The following SPOCK1 variants were observed in gnomAD, a reference collection of about 807,000 sequenced individuals.
SPOCK1 encodes the protein testican-1.
In SPOCK1, 23 loss-of-function variants were observed where a neutral mutation model predicts 55.3. The observed-to-expected ratio is 0.42, with a 90% CI of 0.30 to 0.59. The LOEUF is 0.59. Ranked by LOEUF, SPOCK1 falls within the 20% of genes least tolerant of loss-of-function variation. The pLI is 0.22. For missense variants in SPOCK1, 499 were observed against 552.5 expected (o/e 0.90, Z 0.97); for synonymous variants, 226 against 221.0 (o/e 1.02, Z -0.20).
intron 2 of SPOCK1, among the ~76,000 whole-genome samples, chr5:137,403,479 A>G (rs1752028214): frequency 6.6e-6 from 1 of 152,208 alleles, no homozygotes; most frequent in Admixed American, 6.5e-5. Context: ...TAGCAGACAG[A>G]AGTGGAAAAT....
At chr5:137,229,613 T>C (rs890021543) in intron 3 of SPOCK1, among the ~76,000 whole-genome samples, 3 of 152,086 alleles carry the variant, frequency 2.0e-5, no homozygotes, top group African/African-American at 7.2e-5. Flanking sequence ...AGACGAGAGA[T>C]GTATTAAGCT....
intron 2 of SPOCK1, among the ~76,000 whole-genome samples, chr5:137,302,205 T>C (rs1472325534): frequency 6.6e-6 from 1 of 152,124 alleles, no homozygotes; most frequent in African/African-American, 2.4e-5. Context: ...GAATGATAAA[T>C]TGTAGGAGAA....
intron 2 of SPOCK1, among the ~76,000 whole-genome samples, chr5:137,454,445 C>T (rs1489185137): frequency 6.6e-6 from 1 of 152,098 alleles, no homozygotes; most frequent in Non-Finnish European, 1.5e-5. Flanking sequence ...TTTTACATAA[C>T]CAAAAGACCC....
chr5:137,320,272 T>C (rs565251110), intron 2 of SPOCK1, among the ~76,000 whole-genome samples: 4 of 152,260 alleles, frequency 2.6e-5, no homozygotes, highest in Non-Finnish European at 5.9e-5. Flanking sequence ...AGAGTGCTGA[T>C]GGGAAACTGA....
At chr5:137,113,584 T>C (rs1383939794) in intron 4 of SPOCK1, among the ~76,000 whole-genome samples, 1 of 152,168 alleles carries the variant, frequency 6.6e-6, no homozygotes, top group Admixed American at 6.6e-5. Flanking sequence ...AAATCTCAGT[T>C]TCTTCATTAG....
rs1353735322 is a variant in SPOCK1, at chr5:136,978,018, A to G, written c.*636T>C. On this transcript the variant is annotated 3_prime_UTR_variant, in exon 11 of 11. Coordinates refer to ENST00000394945, the MANE Select transcript of SPOCK1 (RefSeq NM_004598.4). ...TACATGCATGCATATTTATGCATGT[A>G]CAGGGAAGTATCCAGACACCAATTT... is the stretch of plus-strand genomic sequence containing the variant. 1 of 398,350 alleles carries G rather than the reference A, an allele frequency of 2.5e-6. No individual in the cohort carries two copies. The highest frequency in any genetic ancestry group is 4.4e-5 in the Admixed American group (1 of 22,714). 24.7% of individuals were successfully genotyped at this position (398,350 alleles called of 1,614,324 possible).
At chr5:137,463,323 A>G (rs1333299661) in intron 2 of SPOCK1, among the ~76,000 whole-genome samples, 2 of 152,244 alleles carry the variant, frequency 1.3e-5, no homozygotes, top group African/African-American at 4.8e-5. Flanking sequence ...AGTCCTATTC[A>G]GCCATACAAA....
At chr5:137,366,496 A>G (rs960176071) in intron 2 of SPOCK1, among the ~76,000 whole-genome samples, 3 of 152,156 alleles carry the variant, frequency 2.0e-5, no homozygotes, top group Non-Finnish European at 2.9e-5. Context: ...AAAGTGACAG[A>G]GCAGGCTGGG....
chr5:137,304,045 T>A (rs1757654538), intron 2 of SPOCK1, among the ~76,000 whole-genome samples: 1 of 139,862 alleles, frequency 7.1e-6, no homozygotes, highest in Non-Finnish European at 1.5e-5. Context: ...TTAGATGACT[T>A]TTTCCCCAAA....
intron 3 of SPOCK1, among the ~76,000 whole-genome samples, chr5:137,214,936 G>T (rs1436568922): frequency 6.6e-6 from 1 of 152,038 alleles, no homozygotes; most frequent in Non-Finnish European, 1.5e-5. Flanking sequence ...CCATTACAAG[G>T]GAAAAGTTAA....
At chr5:136,985,083 A>G (rs1045703501) in intron 9 of SPOCK1, 57 bp downstream of exon 9, 161 of 1,512,156 alleles carry the variant, frequency 1.1e-4, no homozygotes, top group Non-Finnish European at 1.5e-4. Context: ...TGATCATTAC[A>G]AGGGACATGG....
chr5:137,287,320 G>A (rs979524775), intron 2 of SPOCK1, among the ~76,000 whole-genome samples: 2 of 152,146 alleles, frequency 1.3e-5, no homozygotes, highest in African/African-American at 4.8e-5. Context: ...GTCATAACTT[G>A]CAGGAGGCAA....
chr5:137,046,259 G>C (rs1330774485), intron 6 of SPOCK1, among the ~76,000 whole-genome samples: 2 of 114,952 alleles, frequency 1.7e-5, no homozygotes, highest in African/African-American at 3.2e-5. Context: ...TCACGATATT[G>C]ATTCTTCCTA....
At chr5:137,447,676 T>G (rs933492644) in intron 2 of SPOCK1, among the ~76,000 whole-genome samples, 8 of 151,680 alleles carry the variant, frequency 5.3e-5, no homozygotes, top group African/African-American at 1.9e-4. Context: ...GAGCCAGAAG[T>G]GGGGAACGCC....
chr5:137,254,412 A>G (rs1756595582), intron 3 of SPOCK1, among the ~76,000 whole-genome samples: 1 of 152,190 alleles, frequency 6.6e-6, no homozygotes, highest in Admixed American at 6.5e-5. Flanking sequence ...TCAAAAAAAA[A>G]TTTATAAACT....
intron 3 of SPOCK1, among the ~76,000 whole-genome samples, chr5:137,240,130 T>C (rs561756767): frequency 4.6e-5 from 7 of 152,320 alleles, no homozygotes; most frequent in Non-Finnish European, 8.8e-5. Context: ...AATAAAACTT[T>C]AAAACTCTTC....
intron 2 of SPOCK1, among the ~76,000 whole-genome samples, chr5:137,479,708 G>C (rs1753908890): frequency 6.6e-6 from 1 of 152,236 alleles, no homozygotes; most frequent in African/African-American, 2.4e-5. Context: ...ACGCAGATCA[G>C]AGCCCCTACC....
intron 5 of SPOCK1, among the ~76,000 whole-genome samples, chr5:137,081,448 C>CA (rs576122334): frequency 2.0e-5 from 3 of 152,160 alleles, no homozygotes; most frequent in East Asian, 1.9e-4. Flanking sequence ...TGTCCAAGGT[C>CA]AAAAAAAGCC....
At chr5:137,384,909 A>T (rs1028551368) in intron 2 of SPOCK1, among the ~76,000 whole-genome samples, 1 of 152,160 alleles carries the variant, frequency 6.6e-6, no homozygotes, top group Non-Finnish European at 1.5e-5. Flanking sequence ...AAATAAAGTC[A>T]CATTCACAGG....
Sources: allele counts gnomAD v4.1 joint callset (sites outside exome capture counted in the v4.1 genomes callset), GRCh38; gene constraint gnomAD v4.1.1; transcripts MANE v1.5; gene names NCBI Gene and HGNC (gene_info 2026-07-23, HGNC 2026-07-21).